Variants in RNASE4 observed in about 807,000 individuals in gnomAD.
RNASE4 encodes ribonuclease A family member 4, also known as ribonuclease 4.
For missense variants in RNASE4, 194 were observed against 192.8 expected, an observed-to-expected ratio of 1.01 and a Z score of -0.04; for synonymous variants, 93 against 71.4, an observed-to-expected ratio of 1.30 and a Z score of -1.52.
chr14:20,694,843 G>C (rs1317850018), intron 1 of RNASE4, among the ~76,000 whole-genome samples: 1 of 152,132 alleles, frequency 6.6e-6, no homozygotes, highest in South Asian at 2.1e-4. Context: ...CATACCAACA[G>C]ATTATTATAG....
chr14:20,693,039 G>A lies in RNASE4; in HGVS notation c.-17-6316G>A, dbSNP rs562582388. On this transcript the variant is annotated intron_variant, in intron 1 of 1. Transcript: ENST00000555835. ...ATTTTTTGTATTTTTAGTAGAGACGGGGTTTCACCGTGGTAGCCAGGATGG... is the reference window on the plus strand; with the variant it reads ...ATTTTTTGTATTTTTAGTAGAGACGAGGTTTCACCGTGGTAGCCAGGATGG... Among the ~76,000 whole-genome samples the A allele has an allele frequency of 4.5e-3, 682 of 151,626 alleles. 7 individuals carry two copies. The highest frequency in any genetic ancestry group is 0.016 in the African/African-American group (662 of 41,092).
chr14:20,689,061 T>A (rs992218753), intron 1 of RNASE4, among the ~76,000 whole-genome samples: 6 of 152,140 alleles, frequency 3.9e-5, no homozygotes, highest in Admixed American at 3.3e-4. Context: ...TAAAGAGAAA[T>A]TAGTGAGACT....
At chr14:20,694,293 TTTCG>T in intron 1 of RNASE4, 1 of 420,974 alleles carries the variant, frequency 2.4e-6, no homozygotes, top group South Asian at 2.8e-5. Flanking sequence ...TTTCTTTTCT[TTTCG>T]TTTTTTTTTT....
At chr14:20,685,901 A>G (rs1034700984) in intron 1 of RNASE4, among the ~76,000 whole-genome samples, 2 of 152,056 alleles carry the variant, frequency 1.3e-5, no homozygotes, top group African/African-American at 2.4e-5. Flanking sequence ...TTAGCCGGGC[A>G]CGGTGGTGAG....
chr14:20,688,624 G>A, intron 1 of RNASE4: 1 of 856,102 alleles, frequency 1.2e-6, no homozygotes, highest in Non-Finnish European at 1.4e-6. Flanking sequence ...ATCCATTCAG[G>A]TGGGTTAATA....
intron 1 of RNASE4, among the ~76,000 whole-genome samples, chr14:20,688,065 T>C (rs145714910): frequency 1.6e-4 from 25 of 152,308 alleles, no homozygotes; most frequent in African/African-American, 3.8e-4. Flanking sequence ...GCTTTGATGA[T>C]GGAGATAAGC....
chr14:20,697,986 C>T (rs1054893402), intron 1 of RNASE4, among the ~76,000 whole-genome samples: 1 of 152,182 alleles, frequency 6.6e-6, no homozygotes, highest in African/African-American at 2.4e-5. Flanking sequence ...AACTCTGCTG[C>T]TGGGAAGTAG....
intron 1 of RNASE4, among the ~76,000 whole-genome samples, chr14:20,696,016 T>C (rs1019875096): frequency 1.3e-5 from 2 of 152,234 alleles, no homozygotes; most frequent in African/African-American, 2.4e-5. Flanking sequence ...GGTAAACTAT[T>C]TGGGCCCTTT....
At position 20,699,885 on chromosome 14, in the gene RNASE4, C is replaced by A; in HGVS notation, c.*70C>A. The A allele has an allele frequency of 7.4e-7, 1 of 1,357,986 alleles. No homozygotes were observed. The highest frequency in any genetic ancestry group is 1.0e-6 in the Non-Finnish European group (1 of 961,204). 84.1% of individuals were successfully genotyped at this position (1,357,986 alleles called of 1,614,324 possible). A position where few individuals can be genotyped will look rare whatever the true frequency, so the allele number is the denominator to read the frequency against. ...ACTCCTTAAATAGCAGTGAGTAATG[C>A]ATTTGAGCTGTCCCAGGCTCTGTCT... On this transcript the variant is annotated 3_prime_UTR_variant, in exon 2 of 2. Coordinates refer to ENST00000555835, the MANE Select transcript of RNASE4 (RefSeq NM_002937.5).
intron 1 of RNASE4, among the ~76,000 whole-genome samples, chr14:20,692,403 G>A (rs187214991): frequency 6.6e-6 from 1 of 152,172 alleles, no homozygotes; most frequent in African/African-American, 2.4e-5. Context: ...GAAGCCTGTC[G>A]TAAACAATTT....
chr14:20,699,010 ACAACTG>A (rs1284497857), intron 1 of RNASE4: 1 of 186,162 alleles, frequency 5.4e-6, no homozygotes, highest in East Asian at 1.4e-4. Context: ...CAAGAGACAC[ACAACTG>A]CAGTTTCATG....
At position 20,699,767 on chromosome 14, in the gene RNASE4, C is replaced by T. The variant is rs1279096689; in HGVS notation, c.396C>T (p.Val132=). The T allele has an allele frequency of 8.1e-6, 13 of 1,612,198 alleles. No individual in the cohort carries two copies. Among genetic ancestry groups the T allele is most frequent in the African/African-American group, 1.3e-5 (1 of 74,926 alleles). Residue 132 remains valine, a synonymous_variant, in exon 2 of 2, where the codon GTC becomes GTT. Coordinates refer to ENST00000555835, the MANE Select transcript of RNASE4 (RefSeq NM_002937.5). The stretch of plus-strand genomic sequence containing the variant: ...CCATAGCGAGCACTAGACGTGTTGT[C>T]ATTGCCTGTGAGGGTAACCCACAGG... ...YRAIASTRRV[V]IACEGNPQVP... is the part of the protein sequence containing the mutation.
Position 20,700,115 on chromosome 14 carries a change from A to G in RNASE4, c.*300A>G, listed in dbSNP as rs2139040500. The stretch of plus-strand genomic sequence containing the variant: ...TATGTGTATTTATGTAGTATTTCAA[A>G]CATTTCAAAATGCTTTCATCTATGT... On this transcript the variant is annotated 3_prime_UTR_variant, in exon 2 of 2. Coordinates refer to ENST00000555835, the MANE Select transcript of RNASE4 (RefSeq NM_002937.5). The G allele has an allele frequency of 9.3e-6, 3 of 321,156 alleles. No homozygotes were observed. The highest frequency in any genetic ancestry group is 1.3e-4 in the East Asian group (2 of 15,724). The allele number at this position is 321,156 out of a possible 1,614,324, so 19.9% of individuals were successfully genotyped here. A position where few individuals can be genotyped will look rare whatever the true frequency, so the allele number is the denominator to read the frequency against.
At position 20,700,340 on chromosome 14, in the gene RNASE4, C is replaced by T. The variant is rs1887252559; in HGVS notation, c.*525C>T. The T allele has an allele frequency of 6.0e-6, 1 of 167,296 alleles. No homozygotes were observed. The highest frequency in any genetic ancestry group is 1.5e-5 in the Non-Finnish European group (1 of 68,310). The allele number at this position is 167,296 out of a possible 1,614,324, so 10.4% of individuals were successfully genotyped here. On this transcript the variant is annotated 3_prime_UTR_variant, in exon 2 of 2. Transcript: ENST00000555835. ...GTCTGCTTTTTTTATCCTTAAAATT[C>T]ACCTGTCAGGGAGGCATTAAAAATT...
At chr14:20,693,813 C>G in intron 1 of RNASE4, 1 of 1,614,208 alleles carries the variant, frequency 6.2e-7, no homozygotes, top group Non-Finnish European at 8.5e-7. Context: ...TCTGTGAAAA[C>G]AAGAATGGAA....
At chr14:20,687,214 T>C (rs963495151) in intron 1 of RNASE4, among the ~76,000 whole-genome samples, 1 of 152,220 alleles carries the variant, frequency 6.6e-6, no homozygotes, top group Non-Finnish European at 1.5e-5. Flanking sequence ...TAGTAATTTT[T>C]CCCCCAAACC....
At chr14:20,696,731 T>C (rs1471126871) in intron 1 of RNASE4, among the ~76,000 whole-genome samples, 2 of 144,966 alleles carry the variant, frequency 1.4e-5, no homozygotes, top group African/African-American at 2.5e-5. Context: ...ATGGAAGTGG[T>C]AAAAAAAAAA....
At chr14:20,688,951 T>G (rs1886555194) in intron 1 of RNASE4, 1 of 744,228 alleles carries the variant, frequency 1.3e-6, no homozygotes, top group Admixed American at 6.3e-5. Flanking sequence ...TTCCTCCCTT[T>G]AAAGCCTCCA....
intron 1 of RNASE4, among the ~76,000 whole-genome samples, chr14:20,691,164 C>T (rs750458904): frequency 2.0e-5 from 3 of 152,194 alleles, no homozygotes; most frequent in Non-Finnish European, 4.4e-5. Context: ...CCTGCAAGTA[C>T]GGTATTTCCT....
Sources: allele counts gnomAD v4.1 joint callset (sites outside exome capture counted in the v4.1 genomes callset), GRCh38; gene constraint gnomAD v4.1.1; transcripts MANE v1.5; gene names NCBI Gene and HGNC (gene_info 2026-07-23, HGNC 2026-07-21).